The following ZP4 variants were observed in gnomAD, a reference collection of about 807,000 sequenced individuals.
ZP4 encodes the protein zona pellucida glycoprotein 4.
In ZP4, 62 loss-of-function variants were observed where a neutral mutation model predicts 62.3. That is an observed-to-expected ratio of 0.99 (90% CI 0.81 to 1.23). ZP4 has a LOEUF of 1.23. Ranked by LOEUF, ZP4 falls within the 50% of genes most tolerant of loss-of-function variation. The pLI is 0.00. For synonymous variants in ZP4, 289 were observed against 247.3 expected (o/e 1.17, Z -1.58); for missense variants, 774 against 656.0 (o/e 1.18, Z -1.97).
Position 237,885,747 on chromosome 1 carries a change from G to A in ZP4, c.970+9C>T. The stretch of plus-strand genomic sequence containing the variant: ...TATAGGCCAGATACTCCAGCCAAGG[G>A]GGTCATACCTTTGGCAATCTGAAGT... On this transcript the variant is annotated intron_variant, in intron 7 of 11. Coordinates refer to ENST00000366570, the MANE Select transcript of ZP4 (RefSeq NM_021186.5). 1 of 1,613,948 alleles carries A rather than the reference G, an allele frequency of 6.2e-7. No individual in the cohort carries two copies. Among genetic ancestry groups the A allele is most frequent in the Non-Finnish European group, 8.5e-7 (1 of 1,179,958 alleles).
In ZP4 at chr1:237,888,646, A is replaced by G. The variant is rs143838635; in HGVS notation, c.401-136T>C. On this transcript the variant is annotated intron_variant, in intron 3 of 11. Coordinates refer to ENST00000366570, the MANE Select transcript of ZP4 (RefSeq NM_021186.5). ...AATAGGTGTCTACTCCATATTGTAG[A>G]TAGTATTGAGAGGTTACATGTTGTA... is the stretch of plus-strand genomic sequence containing the variant. 277 of 785,472 alleles carry G rather than the reference A, an allele frequency of 3.5e-4. 1 individual carries two copies. In the African/African-American group the frequency reaches 4.5e-3, roughly 13 times the overall value. The allele number at this position is 785,472 out of a possible 1,614,324, so 48.7% of individuals were successfully genotyped here.
chr1:237,884,539 G>T (rs922180485), intron 10 of ZP4, among the ~76,000 whole-genome samples: 45 of 152,164 alleles, frequency 3.0e-4, no homozygotes, highest in African/African-American at 9.9e-4. Flanking sequence ...ATGAATTAAA[G>T]TTTATATGGA....
intron 4 of ZP4, among the ~76,000 whole-genome samples, 163 bp from the exon 5 acceptor site, chr1:237,887,724 G>A (rs778353641): frequency 1.3e-5 from 2 of 152,130 alleles, no homozygotes; most frequent in Non-Finnish European, 2.9e-5. Flanking sequence ...TTTAACCCAG[G>A]CTCTAAATGA....
rs1665134934 is a variant in ZP4 at position 237,887,546 on chromosome 1, G to A, written c.569C>T (p.Thr190Ile). The A allele has an allele frequency of 4.3e-6, 7 of 1,613,968 alleles. No homozygotes were observed. Among genetic ancestry groups the A allele is most frequent in the Non-Finnish European group, 5.9e-6 (7 of 1,179,932 alleles). Residue 190 changes from threonine (T) to isoleucine (I), a missense_variant, in exon 5 of 12, where the codon ACC becomes ATC. Physicochemically the swap from Thr to Ile is moderately conservative, Grantham distance 89 (BLOSUM62 -1). Transcript: ENST00000366570. ...AGCAATAGAGAAATGGCCCTCTCGG[G>A]TACAATGCAAGGTCACTGAAACAGA... Reference protein sequence around the residue: ...YYGNTVTLHCTREGHFSIAVS... With the variant: ...YYGNTVTLHCIREGHFSIAVS...
In ZP4 at chr1:237,886,838, C is replaced by T; in HGVS notation, c.772G>A (p.Glu258Lys). ...ITGDRAVYENELVATRDVKNG... is the reference protein window; with the variant it reads ...ITGDRAVYENKLVATRDVKNG... Reference sequence around the variant, plus strand: ...TTCACATCCCTAGTTGCCACCAGTTCATTTTCATATACTGCTCGGTCTCCA... The same window carrying T: ...TTCACATCCCTAGTTGCCACCAGTTTATTTTCATATACTGCTCGGTCTCCA... Residue 258 changes from glutamate to lysine, a missense_variant, in exon 6 of 12, where the codon GAA (glutamate) becomes AAA (lysine). Transcript: ENST00000366570. The T allele has an allele frequency of 6.2e-7, 1 of 1,614,066 alleles. No individual in the cohort carries two copies. The highest frequency in any genetic ancestry group is 8.5e-7 in the Non-Finnish European group (1 of 1,179,988).
intron 6 of ZP4, among the ~76,000 whole-genome samples, chr1:237,886,204 C>T (rs1015316513): frequency 3.3e-5 from 5 of 152,118 alleles, no homozygotes; most frequent in South Asian, 2.1e-4. Flanking sequence ...ACAGGGAAAG[C>T]GTCACCCAAT....
At chr1:237,889,549 C>G (rs1665187957) in intron 3 of ZP4, among the ~76,000 whole-genome samples, 1 of 151,940 alleles carries the variant, frequency 6.6e-6, no homozygotes, top group Non-Finnish European at 1.5e-5. Context: ...AACTCCCGAC[C>G]TGATCCACCT....
rs1412774534 is a variant in ZP4 at position 237,887,387 on chromosome 1, C to A, written c.728G>T (p.Gly243Val). 6.2e-7 allele frequency: 1 copy of A among 1,613,826 alleles called. No individual in the cohort carries two copies. Among genetic ancestry groups the A allele is most frequent in the East Asian group, 2.2e-5 (1 of 44,872 alleles). The change falls in exon 5 of 12, where the codon GGC becomes GTC. Residue 243 changes from glycine (G) to valine (V), a missense_variant. By Grantham distance (109) the Gly-to-Val change is moderately radical. Transcript: ENST00000366570. ...VLFQFPFTSC[G>V]TTRQITGDRA... Reference sequence around the variant, plus strand: ...CCAACTGCTCACCTGTCTTGTGGTGCCACAGGAAGTAAATGGAAACTGGAA... The same window carrying A: ...CCAACTGCTCACCTGTCTTGTGGTGACACAGGAAGTAAATGGAAACTGGAA...
In ZP4 at chr1:237,887,496, G is replaced by A. The variant is rs1392856403; in HGVS notation, c.619C>T (p.Pro207Ser). Reference protein sequence around the residue: ...IAVSRNVTSPPLLLDSVRLAL... With the variant: ...IAVSRNVTSPSLLLDSVRLAL... ...AAGCGCACAGAATCCAAGAGCAGTG[G>A]TGGCGAGGTCACGTTCCGAGACACA... Residue 207 changes from proline (P) to serine (S), a missense_variant, in exon 5 of 12, where the codon CCA becomes TCA. Pro to Ser is a moderately conservative substitution (Grantham distance 74). Coordinates refer to ENST00000366570, the MANE Select transcript of ZP4 (RefSeq NM_021186.5). The A allele has an allele frequency of 6.2e-7, 1 of 1,614,234 alleles. No individual in the cohort carries two copies. The highest frequency in any genetic ancestry group is 1.3e-5 in the African/African-American group (1 of 75,060).
Position 237,885,239 on chromosome 1 carries a change from G to A in ZP4, c.1237C>T (p.His413Tyr), listed in dbSNP as rs766190655. 1.2e-6 allele frequency: 2 copies of A among 1,614,202 alleles called. No homozygotes were observed. Among genetic ancestry groups the A allele is most frequent in the Non-Finnish European group, 1.7e-6 (2 of 1,180,038 alleles). ...QKALDLPFPS[H>Y]HQRFSIFTFS... is the part of the protein sequence containing the mutation. ...GTGAAGATGCTGAAGCGCTGGTGGT[G>A]AGAGGGAAATGGAAGATCCAAGGCT... is the stretch of plus-strand genomic sequence containing the variant. The change falls in exon 9 of 12, where the codon CAC becomes TAC. Residue 413 changes from histidine (H) to tyrosine (Y), a missense_variant. By Grantham distance (83) the His-to-Tyr change is moderately conservative. Coordinates refer to ENST00000366570, the MANE Select transcript of ZP4 (RefSeq NM_021186.5).
At chr1:237,883,636 GGGAGGGCGGGGGAGGGCGGGGGAGGGC>G (rs1191450578) in intron 10 of ZP4, among the ~76,000 whole-genome samples, 718 of 8,036 alleles carry the variant, frequency 0.089, 134 homozygotes, top group African/African-American at 0.26. Flanking sequence ...GAGGGGGAGG[GGGAGGGCGGGGGAGGGCGGGGGAGGGC>G]CGGGGGAGGG....
At position 237,884,047 on chromosome 1, in the gene ZP4, C is replaced by CACACAA. The variant is rs1167925545; in HGVS notation, c.1390+716_1390+721dup. On this transcript the variant is annotated intron_variant, in intron 10 of 11. Coordinates refer to ENST00000366570, the MANE Select transcript of ZP4 (RefSeq NM_021186.5). ...ACACACACACAAACACACACAAACA[C>CACACAA]ACACAAACACACACAAACACACACA... is the stretch of plus-strand genomic sequence containing the variant. 2.9e-4 allele frequency among the ~76,000 whole-genome samples: 39 copies of CACACAA among 135,280 alleles called. 2 individuals are homozygous for CACACAA. Among genetic ancestry groups the CACACAA allele is most frequent in the African/African-American group, 1.3e-3 (38 of 28,556 alleles). 88.7% of individuals were successfully genotyped at this position (135,280 alleles called of 152,430 possible). A position where few individuals can be genotyped will look rare whatever the true frequency, so the allele number is the denominator to read the frequency against.
chr1:237,883,993 C>CACACACACACACAA (rs1665017025), intron 10 of ZP4, among the ~76,000 whole-genome samples: 1 of 82,316 alleles, frequency 1.2e-5, no homozygotes, highest in African/African-American at 5.3e-5. Flanking sequence ...AACACACACA[C>CACACACACACACAA]ACACACACAC....
At chr1:237,883,973 C>CACACACACACACACACACACACACAA (rs1665011704) in intron 10 of ZP4, among the ~76,000 whole-genome samples, 2 of 61,100 alleles carry the variant, frequency 3.3e-5, no homozygotes, top group African/African-American at 1.7e-4. Flanking sequence ...CACAAACACA[C>CACACACACACACACACACACACACAA]ACACACACAA....
rs753131552 is a variant in ZP4 at position 237,882,433 on chromosome 1, T to G, written c.1612A>C (p.Met538Leu). Residue 538 changes from methionine to leucine, a missense_variant, in exon 12 of 12, where the codon ATG becomes CTG. Met to Leu is a conservative substitution (Grantham distance 15). Transcript: ENST00000366570. ...AATACACTCTGGTTTTATTGACACA[T>G]TTGGTCTGGGCAACTCTTCTGTTTC... ...VKKQKSCPDQ[M>L]CQ The G allele has an allele frequency of 6.2e-7, 1 of 1,610,694 alleles. No homozygotes were observed. The highest frequency in any genetic ancestry group is 2.2e-5 in the East Asian group (1 of 44,862).
At chr1:237,890,033 C>CT in intron 2 of ZP4, 22 bp downstream of exon 2, 1 of 1,614,164 alleles carries the variant, frequency 6.2e-7, no homozygotes, top group Non-Finnish European at 8.5e-7. Context: ...CACAGTCTCC[C>CT]TGGCCATTGG....
Position 237,890,769 on chromosome 1 carries a change from T to A in ZP4, c.-134A>T. The A allele has an allele frequency of 1.0e-6, 1 of 998,576 alleles. No homozygotes were observed. The highest frequency in any genetic ancestry group is 1.4e-6 in the Non-Finnish European group (1 of 695,764). 61.9% of individuals were successfully genotyped at this position (998,576 alleles called of 1,614,324 possible). On this transcript the variant is annotated 5_prime_UTR_variant, in exon 1 of 12. Transcript: ENST00000366570. Reference sequence around the variant, plus strand: ...GCTGCACATCTTTGTGACACTCAGGTGGGATGCCTTCAGAAAGGGGAATTC... The same window carrying A: ...GCTGCACATCTTTGTGACACTCAGGAGGGATGCCTTCAGAAAGGGGAATTC...
chr1:237,884,548 G>GA (rs1181733977), intron 10 of ZP4, among the ~76,000 whole-genome samples: 2 of 152,194 alleles, frequency 1.3e-5, no homozygotes, highest in Non-Finnish European at 2.9e-5. Context: ...AGTTTATATG[G>GA]AAAAAGCTAA....
chr1:237,885,679 TACTA>T (rs1558532483), intron 7 of ZP4, 73 bp downstream of exon 7: 2 of 1,595,280 alleles, frequency 1.3e-6, no homozygotes, highest in East Asian at 2.2e-5. Context: ...AGTGTCTTGT[TACTA>T]ACTTAGGGTC....
Sources: gnomAD v4.1 joint callset for allele counts (sites outside exome capture counted in the v4.1 genomes callset) on GRCh38, gnomAD v4.1.1 for gene constraint, MANE v1.5 for transcripts, NCBI Gene and HGNC (gene_info 2026-07-23, HGNC 2026-07-21) for gene names.